Variants in SCGB2B2 observed in about 807,000 individuals in gnomAD.
SCGB2B2 encodes secretoglobin-like protein.
A neutral mutation model predicts 7.6 loss-of-function variants in SCGB2B2; 11 were observed. The observed-to-expected ratio is 1.45, with a 90% CI of 0.91 to 2.40. The LOEUF (loss-of-function observed/expected upper bound fraction) is 2.40, where lower values mean the gene tolerates loss of function less well. Ranked by LOEUF, SCGB2B2 falls within the 30% of genes most tolerant of loss-of-function variation. The probability of loss-of-function intolerance (pLI) is 0.00; values close to 1 mark genes in which losing one functional copy is unlikely to be tolerated. For synonymous variants in SCGB2B2, 50 were observed against 48.6 expected, an observed-to-expected ratio of 1.03 and a Z score of -0.12; for missense variants, 104 against 115.4, an observed-to-expected ratio of 0.90 and a Z score of 0.45.
chr19:34,615,415 G>C (rs763365654), intron 1 of SCGB2B2, among the ~76,000 whole-genome samples: 2 of 151,358 alleles, frequency 1.3e-5, no homozygotes, highest in Non-Finnish European at 2.9e-5. Flanking sequence ...TCATGTGTAG[G>C]GGATGGGACA....
chr19:34,591,986 G>A lies in SCGB2B2; in HGVS notation c.*1569C>T, dbSNP rs899740998. Among the ~76,000 whole-genome samples the A allele has an allele frequency of 6.6e-6, 1 of 152,224 alleles. No homozygotes were observed. The highest frequency in any genetic ancestry group is 1.5e-5 in the Non-Finnish European group (1 of 68,048). On this transcript the variant is annotated 3_prime_UTR_variant, in exon 4 of 4. Transcript: ENST00000601241. ...TTTTCCACTGGGTGCCCGGCTCTGGGAAAGGGCCTGATGTGTGGCAGGGGA... is the reference window on the plus strand; with the variant it reads ...TTTTCCACTGGGTGCCCGGCTCTGGAAAAGGGCCTGATGTGTGGCAGGGGA...
intron 1 of SCGB2B2, among the ~76,000 whole-genome samples, chr19:34,655,040 G>C (rs2067247314): frequency 6.6e-6 from 1 of 151,248 alleles, no homozygotes; most frequent in Non-Finnish European, 1.5e-5. Flanking sequence ...GTCCCTGCAG[G>C]AAGGAAATGG....
intron 1 of SCGB2B2, chr19:34,608,660 CATATATATATATATATAT>C (rs71165673): frequency 1.1e-5 from 1 of 87,246 alleles, no homozygotes; most frequent in African/African-American, 5.7e-5. Context: ...TGTCTCATTG[CATATATATATATATATAT>C]ATATATACCG....
At position 34,594,159 on chromosome 19, in the gene SCGB2B2, C is replaced by A; in HGVS notation, c.246+16G>T. 1.9e-6 allele frequency: 3 copies of A among 1,608,754 alleles called. No homozygotes were observed. The highest frequency in any genetic ancestry group is 2.6e-6 in the Non-Finnish European group (3 of 1,175,736). On this transcript the variant is annotated intron_variant, in intron 3 of 3. Coordinates refer to ENST00000601241, the MANE Select transcript of SCGB2B2 (RefSeq NM_001025591.4). ...GTGGCCATGTAGTGTGTGCAGGTCC[C>A]CCCGGGCACACTCACAATAACAACT...
rs990446368 is a variant in SCGB2B2 at position 34,593,499 on chromosome 19, C to T, written c.*56G>A. On this transcript the variant is annotated 3_prime_UTR_variant, in exon 4 of 4. Coordinates refer to ENST00000601241, the MANE Select transcript of SCGB2B2 (RefSeq NM_001025591.4). ...GATGAACAGAGCCAGGCCAGGAACG[C>T]GGGGAGCCCCAAGGAAGGCAGGAGG... is the stretch of plus-strand genomic sequence containing the variant. 5.7e-5 allele frequency: 79 copies of T among 1,378,200 alleles called. No individual in the cohort carries two copies. The Admixed American group carries it at 6.5e-4, about 11-fold the overall frequency. The allele number at this position is 1,378,200 out of a possible 1,614,324, so 85.4% of individuals were successfully genotyped here.
intron 1 of SCGB2B2, among the ~76,000 whole-genome samples, chr19:34,654,397 A>C (rs2146093700): frequency 6.6e-6 from 1 of 151,424 alleles, no homozygotes; most frequent in South Asian, 2.1e-4. Context: ...ATTTGGCCAA[A>C]GTACAAACAA....
chr19:34,601,093 C>T (rs73038290), intron 1 of SCGB2B2, among the ~76,000 whole-genome samples: 1 of 152,068 alleles, frequency 6.6e-6, no homozygotes, highest in Non-Finnish European at 1.5e-5. Context: ...GAGTCCAATA[C>T]CTTTTTAATT....
At chr19:34,619,080 A>AAATT (rs781284277) in intron 1 of SCGB2B2, among the ~76,000 whole-genome samples, 7 of 152,222 alleles carry the variant, frequency 4.6e-5, no homozygotes, top group Non-Finnish European at 8.8e-5. Flanking sequence ...TTTTTTAAAG[A>AAATT]AATTAGAGTC....
downstream of SCGB2B2, among the ~76,000 whole-genome samples, chr19:34,586,738 A>T (rs918172162): frequency 1.5e-4 from 23 of 152,190 alleles, no homozygotes; most frequent in African/African-American, 5.5e-4. Flanking sequence ...CCACCACAAT[A>T]GAGATGCCAT....
At chr19:34,619,942 T>C (rs944385956) in intron 1 of SCGB2B2, among the ~76,000 whole-genome samples, 2 of 152,194 alleles carry the variant, frequency 1.3e-5, no homozygotes, top group Non-Finnish European at 1.5e-5. Flanking sequence ...CTTGGATGAA[T>C]AACCTTTTCA....
intron 1 of SCGB2B2, among the ~76,000 whole-genome samples, chr19:34,667,945 T>C (rs1267954035): frequency 6.6e-6 from 1 of 152,202 alleles, no homozygotes; most frequent in Non-Finnish European, 1.5e-5. Flanking sequence ...CTGGTCACCC[T>C]TACCAATCAG....
Position 34,624,821 on chromosome 19 carries a change from T to G in SCGB2B2, c.-2031-28227A>C, listed in dbSNP as rs550902834. 2.2e-4 allele frequency among the ~76,000 whole-genome samples: 33 copies of G among 152,272 alleles called. No individual in the cohort carries two copies. In the East Asian group the frequency reaches 4.6e-3, roughly 21 times the overall value. ...ACACCCAAGAGTGATGGGGGATTGATAAAGTCCTCTCCATCAAGCCTGTCC... is the reference window on the plus strand; with the variant it reads ...ACACCCAAGAGTGATGGGGGATTGAGAAAGTCCTCTCCATCAAGCCTGTCC... On this transcript the variant is annotated intron_variant, in intron 1 of 3. Transcript: ENST00000601241.
chr19:34,629,617 G>A (rs2066471896), intron 1 of SCGB2B2, among the ~76,000 whole-genome samples: 2 of 152,122 alleles, frequency 1.3e-5, no homozygotes, highest in Admixed American at 6.5e-5. Context: ...TGAAATAAAA[G>A]AGGATACAAA....
chr19:34,651,848 T>TG lies in SCGB2B2; in HGVS notation c.-2032+23781dup, dbSNP rs1052015033. On this transcript the variant is annotated intron_variant, in intron 1 of 3. Coordinates refer to ENST00000601241, the MANE Select transcript of SCGB2B2 (RefSeq NM_001025591.4). ...CAATCCTGAGCAAACAAAACAAAGC[T>TG]GAAAGCATGGCATAACTTGACTTCA... Among the ~76,000 whole-genome samples the TG allele has an allele frequency of 2.3e-4, 35 of 151,340 alleles. 2 individuals carry two copies. Among genetic ancestry groups the TG allele is most frequent in the African/African-American group, 8.4e-4 (34 of 40,688 alleles).
At position 34,596,907 on chromosome 19, in the gene SCGB2B2, C is replaced by T. The variant is rs1246302293; in HGVS notation, c.-2031-313G>A. On this transcript the variant is annotated intron_variant, in intron 1 of 3. Transcript: ENST00000601241. ...TGGACCCCAGAGCACTGTGTCCCGT[C>T]TCAACCCCCACAGCTGCAAGTGGAG... Among the ~76,000 whole-genome samples the T allele has an allele frequency of 2.6e-5, 4 of 152,076 alleles. No homozygotes were observed. In the East Asian group the frequency reaches 7.9e-4, roughly 30 times the overall value.
chr19:34,676,911 G>C lies in SCGB2B2; in HGVS notation c.-3313C>G, dbSNP rs1007897662. 3 of 152,156 alleles carry C rather than the reference G, an allele frequency of 2.0e-5. No homozygotes were observed. The highest frequency in any genetic ancestry group is 2.9e-5 in the Non-Finnish European group (2 of 68,050). 9.4% of individuals were successfully genotyped at this position (152,156 alleles called of 1,614,324 possible). On this transcript the variant is annotated 5_prime_UTR_variant, in exon 1 of 4. Coordinates refer to ENST00000601241, the MANE Select transcript of SCGB2B2 (RefSeq NM_001025591.4). ...CCTAAGAAGCACTTCTGGGGAGAGG[G>C]GGCGTCAGGCTGTGATGGCTGCGGG... is the stretch of plus-strand genomic sequence containing the variant.
chr19:34,658,398 TA>T (rs1225007707), intron 1 of SCGB2B2, among the ~76,000 whole-genome samples: 6 of 151,504 alleles, frequency 4.0e-5, no homozygotes, highest in South Asian at 2.1e-4. Context: ...ATAGATGCAA[TA>T]AAAAAATGAT....
chr19:34,642,534 T>C (rs541343049), intron 1 of SCGB2B2, among the ~76,000 whole-genome samples: 100 of 151,674 alleles, frequency 6.6e-4, no homozygotes, highest in Non-Finnish European at 1.2e-3. Context: ...GCCAACATGG[T>C]GAAACCCTGT....
At chr19:34,654,145 A>G (rs1201131811) in intron 1 of SCGB2B2, among the ~76,000 whole-genome samples, 1 of 151,360 alleles carries the variant, frequency 6.6e-6, no homozygotes, top group Non-Finnish European at 1.5e-5. Flanking sequence ...AGACAAACAT[A>G]CTTGTTATAT....
Sources: allele counts gnomAD v4.1 joint callset (sites outside exome capture counted in the v4.1 genomes callset), GRCh38; gene constraint gnomAD v4.1.1; transcripts MANE v1.5; gene names NCBI Gene and HGNC (gene_info 2026-07-23, HGNC 2026-07-21).